Variants in PPEF1 observed in about 807,000 individuals in gnomAD.
PPEF1 encodes serine/threonine-protein phosphatase with EF-hands 1.
A neutral mutation model predicts 53.3 loss-of-function variants in PPEF1; 12 were observed. That is an observed-to-expected ratio of 0.23 (90% confidence interval 0.14 to 0.36). The LOEUF is 0.36. Among genes scored for constraint, PPEF1 ranks in the 10% least tolerant of loss-of-function variants. The probability of loss-of-function intolerance (pLI) is 1.00; values close to 1 mark genes in which losing one functional copy is unlikely to be tolerated. For missense variants in PPEF1, 334 were observed against 490.4 expected (o/e 0.68, Z 3.01); for synonymous variants, 165 against 176.7 (o/e 0.93, Z 0.52).
intron 6 of PPEF1, among the ~76,000 whole-genome samples, chrX:18,777,838 C>T (rs1384343212): frequency 2.7e-5 from 3 of 110,665 alleles, no homozygotes; most frequent in East Asian, 2.8e-4. Flanking sequence ...CTCTGCCTCC[C>T]GGGTTCAAGC....
intron 1 of PPEF1, among the ~76,000 whole-genome samples, chrX:18,729,769 G>T (rs1363363063): frequency 1.8e-5 from 2 of 112,469 alleles, no homozygotes; most frequent in African/African-American, 6.5e-5. Context: ...GAATGGAATT[G>T]CTACTTCATA....
chrX:18,719,339 T>C (rs949465070), intron 1 of PPEF1, among the ~76,000 whole-genome samples: 1 of 103,762 alleles, frequency 9.6e-6, no homozygotes, highest in African/African-American at 3.8e-5. Flanking sequence ...TTACAACTCA[T>C]CTTTTTTTTT....
Position 18,730,103 on chromosome X carries a change from T to TC in PPEF1, c.47-76dup, listed in dbSNP as rs945426109. 5.9e-5 allele frequency: 61 copies of TC among 1,027,941 alleles called. 1 individual carries two copies. The highest frequency in any genetic ancestry group is 5.4e-4 in the African/African-American group (28 of 51,589). The allele number at this position is 1,027,941 out of a possible 1,213,427, so 84.7% of individuals were successfully genotyped here. On this transcript the variant is annotated intron_variant, in intron 1 of 15. Coordinates refer to ENST00000470157, the MANE Select transcript of PPEF1 (RefSeq NM_001377996.1). ...GAATCCAGGTGGACTGCTTTTTTTT[T>TC]CCACTGAAGCACCTACTTCTCCTAA...
chrX:18,729,777 A>G (rs1002509615), intron 1 of PPEF1, among the ~76,000 whole-genome samples: 15 of 112,535 alleles, frequency 1.3e-4, no homozygotes, highest in African/African-American at 4.8e-4. Flanking sequence ...TTGCTACTTC[A>G]TAGGGTATAC....
chrX:18,761,262 C>G (rs12011773), intron 5 of PPEF1, among the ~76,000 whole-genome samples: 3,963 of 111,705 alleles, frequency 0.035, 182 homozygotes, highest in African/African-American at 0.12. Flanking sequence ...TCATGTAAAA[C>G]CCTTAGCACA....
At chrX:18,765,230 C>T (rs184618037) in intron 6 of PPEF1, among the ~76,000 whole-genome samples, 49 of 111,070 alleles carry the variant, frequency 4.4e-4, no homozygotes, top group African/African-American at 1.6e-3. Flanking sequence ...TTCTGGCAGG[C>T]GTGAGTGAGA....
intron 1 of PPEF1, among the ~76,000 whole-genome samples, chrX:18,726,197 T>TA (rs759610685): frequency 9.2e-6 from 1 of 108,749 alleles, no homozygotes; most frequent in Admixed American, 9.9e-5. Flanking sequence ...CTACAGAAAA[T>TA]ACAAAAATTA....
At chrX:18,705,748 G>A (rs959080619), upstream of PPEF1, among the ~76,000 whole-genome samples, 12 of 111,291 alleles carry the variant, frequency 1.1e-4, no homozygotes, top group Admixed American at 4.8e-4. Flanking sequence ...GTAACCCAAA[G>A]TTTAGGAAGG....
chrX:18,811,615 ATTTTTT>A (rs772854787), intron 12 of PPEF1, among the ~76,000 whole-genome samples: 179 of 8,201 alleles, frequency 0.022, 1 homozygote, highest in African/African-American at 0.045. Context: ...ATATATATAT[ATTTTTT>A]TTTTTTTTTT....
chrX:18,760,015 T>A (rs1003089189), intron 5 of PPEF1, among the ~76,000 whole-genome samples: 1 of 112,045 alleles, frequency 8.9e-6, no homozygotes, highest in Non-Finnish European at 1.9e-5. Flanking sequence ...AGACAGAGTC[T>A]CGCTCTGTCA....
At position 18,827,320 on chromosome X, in the gene PPEF1, A is replaced by T; in HGVS notation, c.1795A>T (p.Ser599Cys). 2 of 1,210,511 alleles carry T rather than the reference A, an allele frequency of 1.7e-6. No homozygotes were observed. Among genetic ancestry groups the T allele is most frequent in the Non-Finnish European group, 2.2e-6 (2 of 894,406 alleles). Residue 599 changes from serine (S) to cysteine (C), a missense_variant, in exon 16 of 16, where the codon AGT becomes TGT. Coordinates refer to ENST00000470157, the MANE Select transcript of PPEF1 (RefSeq NM_001377996.1). ...EEFRAMWKLF[S>C]SHYNVHIDDS... is the part of the protein sequence containing the mutation. Reference sequence around the variant, plus strand: ...ATTTCGTGCCATGTGGAAACTTTTTAGTTCTCACTACAATGTTCACATTGA... The same window carrying T: ...ATTTCGTGCCATGTGGAAACTTTTTTGTTCTCACTACAATGTTCACATTGA...
At chrX:18,751,847 A>G (rs1215036089) in intron 4 of PPEF1, among the ~76,000 whole-genome samples, 1 of 112,561 alleles carries the variant, frequency 8.9e-6, no homozygotes, top group Non-Finnish European at 1.9e-5. Context: ...TCTCAGTTCT[A>G]TTCTATTGGT....
At chrX:18,769,898 T>G (rs1286556706) in intron 6 of PPEF1, among the ~76,000 whole-genome samples, 1 of 111,984 alleles carries the variant, frequency 8.9e-6, no homozygotes, top group East Asian at 2.8e-4. Context: ...TTTCCAGATG[T>G]CTGTTGTAAA....
chrX:18,733,637 A>C (rs1249301873), intron 2 of PPEF1, 111 bp from the exon 3 acceptor site: 1 of 574,216 alleles, frequency 1.7e-6, no homozygotes, highest in Non-Finnish European at 2.8e-6. Context: ...GCAGCAGCTG[A>C]GATACAAATG....
At position 18,725,456 on chromosome X, in the gene PPEF1, C is replaced by G. The variant is rs1018236530; in HGVS notation, c.47-4725C>G. 3.6e-5 allele frequency among the ~76,000 whole-genome samples: 4 copies of G among 111,445 alleles called. No individual in the cohort carries two copies. The Admixed American group carries it at 3.8e-4, about 11-fold the overall frequency. Reference sequence around the variant, plus strand: ...TGGATGAGCTGCAAACTGGATCCGACGACTGTTACCTGGGGTGAAGAGCAG... The same window carrying G: ...TGGATGAGCTGCAAACTGGATCCGAGGACTGTTACCTGGGGTGAAGAGCAG... On this transcript the variant is annotated intron_variant, in intron 1 of 15. Transcript: ENST00000470157.
At chrX:18,681,088 T>G (rs1201246343), upstream of PPEF1, among the ~76,000 whole-genome samples, 2 of 111,563 alleles carry the variant, frequency 1.8e-5, no homozygotes, top group African/African-American at 6.5e-5. Context: ...CGTGTGCATG[T>G]GTCTTTATAG....
chrX:18,806,248 GCAGTC>G (rs2046660448), intron 11 of PPEF1, among the ~76,000 whole-genome samples, 150 bp from the exon 12 acceptor site: 2 of 111,281 alleles, frequency 1.8e-5, no homozygotes, highest in African/African-American at 6.5e-5. Context: ...TTCCTCCGAT[GCAGTC>G]ATAGAAATCA....
chrX:18,714,059 C>T (rs1222000958), intron 1 of PPEF1, among the ~76,000 whole-genome samples: 10 of 110,790 alleles, frequency 9.0e-5, no homozygotes, highest in African/African-American at 3.3e-5. Flanking sequence ...ATGAAATTAT[C>T]GTGTCAAGGG....
chrX:18,746,753 T>C (rs1017446303), intron 3 of PPEF1, among the ~76,000 whole-genome samples: 5 of 111,534 alleles, frequency 4.5e-5, no homozygotes, highest in African/African-American at 1.6e-4. Flanking sequence ...ATACTGTAGG[T>C]ATCGTGTAGC....
Sources: gnomAD v4.1 joint callset for allele counts (sites outside exome capture counted in the v4.1 genomes callset) on GRCh38, gnomAD v4.1.1 for gene constraint, MANE v1.5 for transcripts, NCBI Gene and HGNC (gene_info 2026-07-23, HGNC 2026-07-21) for gene names.